NFIX: variants seen among roughly 807,000 people sequenced by gnomAD.
The protein encoded by NFIX is nuclear factor 1 X-type.
A neutral mutation model predicts 53.3 loss-of-function variants in NFIX; 2 were observed. The observed-to-expected ratio is 0.04, with a 90% CI of 0.02 to 0.12. NFIX has a LOEUF of 0.12. NFIX is among the 10% of genes least tolerant of loss of function. The pLI is 1.00. For missense variants in NFIX, 310 were observed against 674.5 expected, an observed-to-expected ratio of 0.46 and a Z score of 5.99; for synonymous variants, 244 against 289.0, an observed-to-expected ratio of 0.84 and a Z score of 1.58.
At chr19:13,080,683 G>A (rs2017401888) in intron 7 of NFIX, among the ~76,000 whole-genome samples, 1 of 152,108 alleles carries the variant, frequency 6.6e-6, no homozygotes, top group South Asian at 2.1e-4. Flanking sequence ...CAGCCTGGAT[G>A]ACAGGGCGAG....
intron 1 of NFIX, among the ~76,000 whole-genome samples, chr19:13,010,465 C>T (rs956418175): frequency 1.8e-4 from 27 of 152,396 alleles, no homozygotes; most frequent in Non-Finnish European, 3.5e-4. Context: ...CCTTGCCCGG[C>T]GCCCCCAGTC....
Position 13,049,539 on chromosome 19 carries a change from C to T in NFIX, c.560-23508C>T, listed in dbSNP as rs76526495. On this transcript the variant is annotated intron_variant, in intron 2 of 10. Transcript: ENST00000592199. The surrounding 1 kb of genome is among the most constrained non-coding windows in gnomAD (Gnocchi z 4.5). ...TGGTCTTCATGTCGGGCTTCTTTCA[C>T]GGAGCATAATGTTTTCAAGGTTCCT... 3.8e-4 allele frequency among the ~76,000 whole-genome samples: 57 copies of T among 151,006 alleles called. No homozygotes were observed. Among genetic ancestry groups the T allele is most frequent in the African/African-American group, 1.2e-3 (51 of 41,090 alleles).
rs952739345 is a variant in NFIX at position 13,067,498 on chromosome 19, G to A, written c.560-5549G>A. On this transcript the variant is annotated intron_variant, in intron 2 of 10. Coordinates refer to ENST00000592199, the MANE Select transcript of NFIX (RefSeq NM_001365902.3). The surrounding 1 kb of genome is among the most constrained non-coding windows in gnomAD (Gnocchi z 4.2). ...TGTGTGTGTGCGTGTGTGTGTGTGT[G>A]TGTGTGTATGTGTGTGTCTGAGTCT... Among the ~76,000 whole-genome samples the A allele has an allele frequency of 6.6e-6, 1 of 151,336 alleles. No individual in the cohort carries two copies. The highest frequency in any genetic ancestry group is 1.5e-5 in the Non-Finnish European group (1 of 67,964).
intron 8 of NFIX, among the ~76,000 whole-genome samples, chr19:13,085,460 G>C (rs2017721496): frequency 6.6e-6 from 1 of 152,228 alleles, no homozygotes; most frequent in East Asian, 1.9e-4. Flanking sequence ...GAGTGAGGCT[G>C]TGATCAGACC....
At chr19:13,076,906 C>G (rs911959820) in intron 6 of NFIX, among the ~76,000 whole-genome samples, 2 of 152,026 alleles carry the variant, frequency 1.3e-5, no homozygotes, top group African/African-American at 4.8e-5. Context: ...CTCTAGATGG[C>G]CAGCAGAGGC....
Position 13,094,571 on chromosome 19 carries a change from G to A in NFIX, c.1495-64G>A. The A allele has an allele frequency of 6.6e-7, 1 of 1,521,886 alleles. No homozygotes were observed. Among genetic ancestry groups the A allele is most frequent in the Non-Finnish European group, 8.8e-7 (1 of 1,134,800 alleles). 94.3% of individuals were successfully genotyped at this position (1,521,886 alleles called of 1,614,324 possible). On this transcript the variant is annotated intron_variant, in intron 10 of 10. Coordinates refer to ENST00000592199, the MANE Select transcript of NFIX (RefSeq NM_001365902.3). This position sits in a 1 kb window ranked among gnomAD's most constrained non-coding sequence, Gnocchi z 4.3. ...TTGAGGGGCCAGGTCACTGGGCCAGGTAGGAGTGAGATGGGACCTGCCCCA... is the reference window on the plus strand; with the variant it reads ...TTGAGGGGCCAGGTCACTGGGCCAGATAGGAGTGAGATGGGACCTGCCCCA...
chr19:13,092,846 C>T lies in NFIX; in HGVS notation c.1495-1789C>T, dbSNP rs144488246. ...TGGGGATGCCTCAGGCCTGGGTTTC[C>T]GCCTTAGCCTCGCCAGGCCCCAATG... On this transcript the variant is annotated intron_variant, in intron 10 of 10. Coordinates refer to ENST00000592199, the MANE Select transcript of NFIX (RefSeq NM_001365902.3). Among the ~76,000 whole-genome samples, 717 of 152,360 alleles carry T rather than the reference C, an allele frequency of 4.7e-3. 2 individuals are homozygous for T. Among genetic ancestry groups the T allele is most frequent in the Non-Finnish European group, 7.3e-3 (497 of 68,034 alleles).
chr19:13,023,378 G>T (rs1296751285), intron 1 of NFIX, among the ~76,000 whole-genome samples: 1 of 148,792 alleles, frequency 6.7e-6, no homozygotes. Context: ...TGCCAGCAAC[G>T]GTCTGCAGCC....
chr19:13,084,898 C>T (rs1254727398), intron 8 of NFIX, among the ~76,000 whole-genome samples: 6 of 151,806 alleles, frequency 4.0e-5, no homozygotes, highest in Non-Finnish European at 8.8e-5. Context: ...GGAGAAACCC[C>T]GTCTCTACTA....
intron 2 of NFIX, among the ~76,000 whole-genome samples, chr19:13,062,509 G>T (rs1238710469): frequency 6.6e-6 from 1 of 152,224 alleles, no homozygotes; most frequent in African/African-American, 2.4e-5. Flanking sequence ...TTGTCCTCAA[G>T]GGGCTGATGG....
In NFIX at chr19:13,068,614, T is replaced by G. The variant is rs1044655749; in HGVS notation, c.560-4433T>G. Among the ~76,000 whole-genome samples the G allele has an allele frequency of 1.3e-5, 2 of 152,156 alleles. No individual in the cohort carries two copies. Among genetic ancestry groups the G allele is most frequent in the Non-Finnish European group, 2.9e-5 (2 of 68,028 alleles). On this transcript the variant is annotated intron_variant, in intron 2 of 10. Transcript: ENST00000592199. This position sits in a 1 kb window ranked among gnomAD's most constrained non-coding sequence, Gnocchi z 4.2. ...GCTGTTGTTGCTGTGGAATGACCAG[T>G]GGTGTGCAGATGAATACAGAGTGGC...
intron 2 of NFIX, among the ~76,000 whole-genome samples, chr19:13,039,434 C>G (rs957281856): frequency 6.6e-6 from 1 of 152,146 alleles, no homozygotes; most frequent in East Asian, 1.9e-4. Flanking sequence ...GAATTGTGTT[C>G]CTCTTCAACA....
At chr19:12,997,472 A>G (rs927320424) in intron 1 of NFIX, among the ~76,000 whole-genome samples, 9 of 152,202 alleles carry the variant, frequency 5.9e-5, no homozygotes, top group African/African-American at 2.2e-4. Flanking sequence ...AGGCACCCTG[A>G]GCACCATGGC....
chr19:13,075,945 G>A lies in NFIX; in HGVS notation c.955+274G>A, dbSNP rs74455250. On this transcript the variant is annotated intron_variant, in intron 6 of 10. Coordinates refer to ENST00000592199, the MANE Select transcript of NFIX (RefSeq NM_001365902.3). Reference sequence around the variant, plus strand: ...GGTGCCAAGCCTCTGGTGCCCCACAGTGGGATGGCCGCAGCCCCTCCTGGT... The same window carrying A: ...GGTGCCAAGCCTCTGGTGCCCCACAATGGGATGGCCGCAGCCCCTCCTGGT... 0.012 allele frequency among the ~76,000 whole-genome samples: 1,870 copies of A among 152,308 alleles called. 16 individuals carry two copies. Among genetic ancestry groups the A allele is most frequent in the Non-Finnish European group, 0.018 (1,210 of 68,016 alleles).
At chr19:13,080,058 C>T (rs1348317732) in intron 7 of NFIX, among the ~76,000 whole-genome samples, 1 of 152,200 alleles carries the variant, frequency 6.6e-6, no homozygotes, top group Non-Finnish European at 1.5e-5. Flanking sequence ...AACCCTCTGC[C>T]TCCTCTTGTC....
At chr19:13,033,528 AT>A (rs2013968827) in intron 2 of NFIX, among the ~76,000 whole-genome samples, 1 of 152,148 alleles carries the variant, frequency 6.6e-6, no homozygotes, top group Non-Finnish European at 1.5e-5. Context: ...CAGGGTACTT[AT>A]TAGCTGTTAT....
At chr19:12,999,333 CG>C (rs1198733505) in intron 1 of NFIX, among the ~76,000 whole-genome samples, 1 of 151,848 alleles carries the variant, frequency 6.6e-6, no homozygotes, top group African/African-American at 2.4e-5. Context: ...CCACCACGCC[CG>C]GGTAATTTCT....
rs1268498177 is a variant in NFIX at position 13,095,639 on chromosome 19, G to C, written c.*990G>C. 6.6e-6 allele frequency: 1 copy of C among 152,408 alleles called. No individual in the cohort carries two copies. Among genetic ancestry groups the C allele is most frequent in the African/African-American group, 2.4e-5 (1 of 41,438 alleles). 9.4% of individuals were successfully genotyped at this position (152,408 alleles called of 1,614,324 possible). ...ATGCAGACTGCCCTGCTGGGGCCGG[G>C]CCGGAGGGTGGAGCAGAAAGGGGAC... On this transcript the variant is annotated 3_prime_UTR_variant, in exon 11 of 11. Transcript: ENST00000592199.
rs980087077 is a variant in NFIX at position 13,066,540 on chromosome 19, A to G, written c.560-6507A>G. On this transcript the variant is annotated intron_variant, in intron 2 of 10. Coordinates refer to ENST00000592199, the MANE Select transcript of NFIX (RefSeq NM_001365902.3). This position sits in a 1 kb window ranked among gnomAD's most constrained non-coding sequence, Gnocchi z 4.2. Reference sequence around the variant, plus strand: ...AGGCAGAAGCCCCTTTGGATCTGTGAGCAGGGAGGGAATGAGGAAAGGGGA... The same window carrying G: ...AGGCAGAAGCCCCTTTGGATCTGTGGGCAGGGAGGGAATGAGGAAAGGGGA... Among the ~76,000 whole-genome samples, 2 of 152,158 alleles carry G rather than the reference A, an allele frequency of 1.3e-5. No homozygotes were observed. The highest frequency in any genetic ancestry group is 2.9e-5 in the Non-Finnish European group (2 of 68,022).
Sources: allele counts gnomAD v4.1 joint callset (sites outside exome capture counted in the v4.1 genomes callset), GRCh38; gene constraint gnomAD v4.1.1; non-coding constraint Gnocchi (gnomAD v3.1); transcripts MANE v1.5; gene names NCBI Gene and HGNC (gene_info 2026-07-23, HGNC 2026-07-21).